The following CYRIA variants were observed in gnomAD, a reference collection of about 807,000 sequenced individuals.
The protein encoded by CYRIA is CYFIP-related Rac1 interactor A.
Under a neutral mutation model 43.9 loss-of-function variants are expected in CYRIA, and 15 were observed. The ratio of observed to expected loss-of-function variants is 0.34; its 90% CI spans 0.23 to 0.53. The LOEUF (loss-of-function observed/expected upper bound fraction) is 0.53. Ranked by LOEUF, CYRIA falls within the 20% of genes least tolerant of loss-of-function variation. The probability of loss-of-function intolerance (pLI) is 0.94; values close to 1 mark genes in which losing one functional copy is unlikely to be tolerated. For synonymous variants in CYRIA, 117 were observed against 136.0 expected (o/e 0.86, Z 0.97); for missense variants, 236 against 394.2 (o/e 0.60, Z 3.40).
At chr2:16,588,247 C>G in intron 2 of CYRIA, 118 bp from the exon 3 acceptor site, 1 of 588,330 alleles carries the variant, frequency 1.7e-6, no homozygotes, top group Non-Finnish European at 3.0e-6. Context: ...CATCTCCAAC[C>G]CAGGGGTTGA....
intron 1 of CYRIA, among the ~76,000 whole-genome samples, chr2:16,652,542 C>A (rs1307852828): frequency 6.6e-6 from 1 of 152,176 alleles, no homozygotes; most frequent in Non-Finnish European, 1.5e-5. Flanking sequence ...AAAGGCCCTG[C>A]CAGGGGAGGT....
intron 2 of CYRIA, among the ~76,000 whole-genome samples, chr2:16,622,406 C>T (rs547350656): frequency 4.6e-5 from 7 of 152,274 alleles, no homozygotes; most frequent in South Asian, 4.1e-4. Context: ...CTTTTTAAAT[C>T]GTTGGGGCTT....
chr2:16,571,324 G>A (rs1382275917), intron 3 of CYRIA, among the ~76,000 whole-genome samples: 1 of 152,198 alleles, frequency 6.6e-6, no homozygotes, highest in Non-Finnish European at 1.5e-5. Context: ...TTGTGGAGAA[G>A]AGTGATATTT....
At position 16,650,974 on chromosome 2, in the gene CYRIA, G is replaced by A. The variant is rs75927537; in HGVS notation, c.-167+14806C>T. Among the ~76,000 whole-genome samples, 4,174 of 151,968 alleles carry A rather than the reference G, an allele frequency of 0.027. 205 individuals are homozygous for A. The highest frequency in any genetic ancestry group is 0.095 in the African/African-American group (3,938 of 41,428). On this transcript the variant is annotated intron_variant, in intron 1 of 11. Transcript: ENST00000381323. This position sits in a 1 kb window ranked among gnomAD's most constrained non-coding sequence, Gnocchi z 4.1. ...ACTTTAAAAAAACATTCCATTCAAC[G>A]GGGGCGAGTGAGTCACCATAATCAT...
chr2:16,656,134 A>G (rs1670104739), intron 1 of CYRIA, among the ~76,000 whole-genome samples: 1 of 152,122 alleles, frequency 6.6e-6, no homozygotes, highest in Admixed American at 6.5e-5. Context: ...TTGGAATGAA[A>G]AGGATTCCCC....
intron 1 of CYRIA, among the ~76,000 whole-genome samples, chr2:16,641,061 T>C (rs896333339): frequency 4.6e-5 from 7 of 152,110 alleles, no homozygotes; most frequent in African/African-American, 1.4e-4. Context: ...GTGCCTCACA[T>C]CCGCCCCCTC....
intron 1 of CYRIA, among the ~76,000 whole-genome samples, chr2:16,636,114 G>A (rs1348734422): frequency 6.6e-6 from 1 of 152,084 alleles, no homozygotes; most frequent in Non-Finnish European, 1.5e-5. Flanking sequence ...AGCGAAAGTA[G>A]GGGGTGAGGT....
intron 10 of CYRIA, among the ~76,000 whole-genome samples, chr2:16,556,222 G>A (rs537601835): frequency 6.6e-6 from 1 of 152,222 alleles, no homozygotes; most frequent in East Asian, 1.9e-4. Flanking sequence ...ACTGATGGAG[G>A]CTGCCAGAAA....
intron 1 of CYRIA, among the ~76,000 whole-genome samples, chr2:16,638,196 G>C (rs1297496700): frequency 6.6e-6 from 1 of 152,166 alleles, no homozygotes; most frequent in Non-Finnish European, 1.5e-5. Flanking sequence ...CCACCCTGCA[G>C]GCTGTTACTG....
At chr2:16,665,231 G>A (rs1670358457) in intron 1 of CYRIA, among the ~76,000 whole-genome samples, 1 of 152,148 alleles carries the variant, frequency 6.6e-6, no homozygotes, top group Non-Finnish European at 1.5e-5. Context: ...TCTGGGTTCT[G>A]GGGGAGGAGA....
intron 1 of CYRIA, among the ~76,000 whole-genome samples, chr2:16,636,356 G>A (rs1669498109): frequency 6.6e-6 from 1 of 152,162 alleles, no homozygotes. Context: ...GGCTTCTCAA[G>A]CACCAGAACT....
At chr2:16,644,960 C>A (rs1479293169) in intron 1 of CYRIA, among the ~76,000 whole-genome samples, 1 of 152,082 alleles carries the variant, frequency 6.6e-6, no homozygotes, top group African/African-American at 2.4e-5. Flanking sequence ...AAACCGATTA[C>A]CATTAAAATG....
At chr2:16,609,280 G>A (rs1372029833) in intron 2 of CYRIA, among the ~76,000 whole-genome samples, 1 of 152,162 alleles carries the variant, frequency 6.6e-6, no homozygotes, top group Non-Finnish European at 1.5e-5. Context: ...ACACAAGGGG[G>A]ACCCCTGGGG....
At chr2:16,613,936 CTTAGCCA>C (rs1203130552) in intron 2 of CYRIA, among the ~76,000 whole-genome samples, 3 of 152,218 alleles carry the variant, frequency 2.0e-5, no homozygotes, top group African/African-American at 2.4e-5. Flanking sequence ...CGTGAATAGA[CTTAGCCA>C]TTTGGCTTAG....
At chr2:16,587,945 T>C in intron 3 of CYRIA, 105 bp downstream of exon 3, 2 of 708,438 alleles carry the variant, frequency 2.8e-6, no homozygotes, top group South Asian at 4.0e-5. Context: ...CAGTGACCTT[T>C]GGATTTGATT....
chr2:16,560,561 A>G (rs1321178647), intron 9 of CYRIA: 2 of 180,660 alleles, frequency 1.1e-5, no homozygotes, highest in East Asian at 2.7e-4. Context: ...GTTTAGGTAC[A>G]AAAAGAGACA....
intron 2 of CYRIA, among the ~76,000 whole-genome samples, chr2:16,619,564 G>A (rs774218583): frequency 3.3e-5 from 5 of 152,134 alleles, no homozygotes; most frequent in Non-Finnish European, 5.9e-5. Context: ...TTAAATCAGC[G>A]TTTCTGGATG....
chr2:16,553,086 A>G, intron 11 of CYRIA, 87 bp from the exon 12 acceptor site: 1 of 833,864 alleles, frequency 1.2e-6, no homozygotes, highest in Non-Finnish European at 2.1e-6. Context: ...AACACAATTG[A>G]TATTTGGGCT....
intron 2 of CYRIA, among the ~76,000 whole-genome samples, chr2:16,620,838 C>T (rs186250885): frequency 3.9e-5 from 6 of 152,268 alleles, no homozygotes; most frequent in African/African-American, 1.4e-4. Flanking sequence ...GTCTCCATCT[C>T]CCGGCCTGGA....
Sources: allele counts gnomAD v4.1 joint callset (sites outside exome capture counted in the v4.1 genomes callset), GRCh38; gene constraint gnomAD v4.1.1; non-coding constraint Gnocchi (gnomAD v3.1); transcripts MANE v1.5; gene names NCBI Gene and HGNC (gene_info 2026-07-23, HGNC 2026-07-21).